The following GSE1 variants were observed in gnomAD, a reference collection of about 807,000 sequenced individuals.
GSE1 encodes Gse1 coiled-coil protein.
GSE1 carries 32 observed loss-of-function variants against 112.6 expected under a neutral mutation model. The ratio of observed to expected loss-of-function variants is 0.28; its 90% confidence interval spans 0.21 to 0.38. GSE1 has a LOEUF of 0.38. Ranked by LOEUF, GSE1 falls within the 10% of genes least tolerant of loss-of-function variation. The pLI is 1.00. For synonymous variants in GSE1, 1,115 were observed against 735.6 expected (o/e 1.52, Z -8.35); for missense variants, 2,348 against 1,699.2 (o/e 1.38, Z -6.71).
intron 2 of GSE1, among the ~76,000 whole-genome samples, chr16:85,529,055 T>C (rs758479203): frequency 5.9e-5 from 9 of 152,246 alleles, no homozygotes; most frequent in Admixed American, 2.6e-4. Context: ...CAGGCTGCAG[T>C]ACTGAGAACT....
chr16:85,614,261 G>C (rs374187789), intron 1 of GSE1, among the ~76,000 whole-genome samples: 3 of 152,184 alleles, frequency 2.0e-5, no homozygotes, highest in South Asian at 4.1e-4. Context: ...GATGGGCGGC[G>C]AGTGGCCCGA....
intron 1 of GSE1, among the ~76,000 whole-genome samples, chr16:85,228,498 A>G (rs896797588): frequency 6.6e-6 from 1 of 152,174 alleles, no homozygotes; most frequent in Non-Finnish European, 1.5e-5. Context: ...GGAGGTGGAT[A>G]GGGTGTTTAC....
upstream of GSE1, among the ~76,000 whole-genome samples, chr16:85,609,570 T>C (rs1391940629): frequency 6.6e-6 from 1 of 152,206 alleles, no homozygotes; most frequent in African/African-American, 2.4e-5. Context: ...CTCCTAGGAC[T>C]CCCGTCTCCA....
chr16:85,590,692 G>A (rs1028576890), intron 1 of GSE1, among the ~76,000 whole-genome samples: 2 of 152,196 alleles, frequency 1.3e-5, no homozygotes, highest in African/African-American at 4.8e-5. Context: ...TTGAGACAGC[G>A]TGTGCGTGTG....
At chr16:85,633,611 C>T (rs550682497) in intron 1 of GSE1, among the ~76,000 whole-genome samples, 3 of 152,324 alleles carry the variant, frequency 2.0e-5, no homozygotes, top group African/African-American at 7.2e-5. Context: ...GCGTGGGATC[C>T]TCCACGACCT....
chr16:85,303,824 CG>C (rs1438774067), intron 1 of GSE1, among the ~76,000 whole-genome samples: 5 of 152,214 alleles, frequency 3.3e-5, no homozygotes, highest in Non-Finnish European at 7.4e-5. Context: ...CCTGGCCTGG[CG>C]GGGTTGCGAG....
intron 2 of GSE1, among the ~76,000 whole-genome samples, chr16:85,504,365 G>A (rs1283680129): frequency 6.6e-6 from 1 of 152,250 alleles, no homozygotes; most frequent in Non-Finnish European, 1.5e-5. Context: ...CCCTGATCTG[G>A]AAAGATCTTT....
upstream of GSE1, among the ~76,000 whole-genome samples, chr16:85,554,737 G>C (rs2045109509): frequency 6.6e-6 from 1 of 151,520 alleles, no homozygotes. Flanking sequence ...CCGGGTCCTG[G>C]CGGAGGGCGA....
At chr16:85,361,493 C>A (rs2047081059) in intron 2 of GSE1, among the ~76,000 whole-genome samples, 1 of 152,252 alleles carries the variant, frequency 6.6e-6, no homozygotes, top group Non-Finnish European at 1.5e-5. Context: ...GCACTGAGCC[C>A]TCTCAGCCCT....
intron 2 of GSE1, among the ~76,000 whole-genome samples, chr16:85,459,583 C>T (rs1469545357): frequency 6.6e-6 from 1 of 152,222 alleles, no homozygotes; most frequent in East Asian, 1.9e-4. Context: ...CATTTCCATG[C>T]TCTGCCTGGT....
chr16:85,281,986 G>A (rs2044870936), intron 1 of GSE1, among the ~76,000 whole-genome samples: 1 of 152,042 alleles, frequency 6.6e-6, no homozygotes. Context: ...GATGGTGCCG[G>A]GTGCCACAGC....
chr16:85,605,290 A>G (rs766824565), intron 1 of GSE1, among the ~76,000 whole-genome samples: 68 of 151,912 alleles, frequency 4.5e-4, no homozygotes, highest in Non-Finnish European at 9.4e-4. Context: ...GCCTCTCCTA[A>G]TGTCGGAGGA....
At chr16:85,434,489 A>C (rs2049197994) in intron 2 of GSE1, among the ~76,000 whole-genome samples, 1 of 152,168 alleles carries the variant, frequency 6.6e-6, no homozygotes, top group Non-Finnish European at 1.5e-5. Context: ...AGGCACAAAG[A>C]GGTTGAGCTG....
Position 85,198,700 on chromosome 16 carries a change from A to AC in GSE1, c.2283+26899dup, listed in dbSNP as rs557290626. Among the ~76,000 whole-genome samples the AC allele has an allele frequency of 2.6e-5, 4 of 151,386 alleles. No homozygotes were observed. In the East Asian group the frequency reaches 5.9e-4, roughly 22 times the overall value. On this transcript the variant is annotated intron_variant, in intron 1 of 2. Coordinates refer to the GSE1 transcript ENST00000637419. ...TTTGATTCCGCCCTACACTGCAGAGACCCCCCACCCCGACCCTTTAGCCCC... is the reference window on the plus strand; with the variant it reads ...TTTGATTCCGCCCTACACTGCAGAGACCCCCCCACCCCGACCCTTTAGCCCC...
intron 2 of GSE1, among the ~76,000 whole-genome samples, chr16:85,511,940 A>G (rs1448739514): frequency 1.3e-5 from 2 of 152,190 alleles, no homozygotes; most frequent in African/African-American, 4.8e-5. Context: ...ACTGCAGGGC[A>G]GAGACCCCTG....
chr16:85,542,270 C>A (rs2044547252), intron 2 of GSE1, among the ~76,000 whole-genome samples: 1 of 152,194 alleles, frequency 6.6e-6, no homozygotes, highest in South Asian at 2.1e-4. Context: ...TTTGGAAACC[C>A]GTTCTGTTTC....
At chr16:85,385,291 G>A (rs1244007162) in intron 2 of GSE1, among the ~76,000 whole-genome samples, 1 of 152,198 alleles carries the variant, frequency 6.6e-6, no homozygotes, top group Non-Finnish European at 1.5e-5. Context: ...TGGCCCAGGT[G>A]CAGGCAGGGC....
intron 1 of GSE1, among the ~76,000 whole-genome samples, chr16:85,357,208 G>A (rs1330709351): frequency 6.6e-6 from 1 of 152,198 alleles, no homozygotes; most frequent in African/African-American, 2.4e-5. Context: ...AGATGGGGCT[G>A]TGTGGGTGGG....
At chr16:85,613,836 C>T (rs1181079527) in intron 1 of GSE1, among the ~76,000 whole-genome samples, 1 of 100,946 alleles carries the variant, frequency 9.9e-6, no homozygotes, top group African/African-American at 4.2e-5. Flanking sequence ...CAGGTGCTGG[C>T]GACGGCCGAG....
Sources: gnomAD v4.1 joint callset for allele counts (sites outside exome capture counted in the v4.1 genomes callset) on GRCh38, gnomAD v4.1.1 for gene constraint, MANE v1.5 for transcripts, NCBI Gene and HGNC (gene_info 2026-07-23, HGNC 2026-07-21) for gene names.